Variants in GNA12 observed in about 807,000 individuals in gnomAD.
The protein encoded by GNA12 is G protein subunit alpha 12.
GNA12 carries 9 observed loss-of-function variants against 26.0 expected under a neutral mutation model. The ratio of observed to expected loss-of-function variants is 0.35; its 90% CI spans 0.21 to 0.60. The LOEUF (loss-of-function observed/expected upper bound fraction) is 0.60, where lower values mean the gene tolerates loss of function less well. Ranked by LOEUF, GNA12 falls within the 20% of genes least tolerant of loss-of-function variation. The pLI is 0.78. For synonymous variants in GNA12, 264 were observed against 219.6 expected, an observed-to-expected ratio of 1.20 and a Z score of -1.79; for missense variants, 405 against 525.8, an observed-to-expected ratio of 0.77 and a Z score of 2.25.
intron 2 of GNA12, among the ~76,000 whole-genome samples, chr7:2,791,197 T>G (rs2115451519): frequency 6.6e-6 from 1 of 152,312 alleles, no homozygotes; most frequent in East Asian, 1.9e-4. Flanking sequence ...GTCTTTCTGT[T>G]GAGCATCCTG....
At chr7:2,815,118 G>T in intron 1 of GNA12, 2 of 893,092 alleles carry the variant, frequency 2.2e-6, no homozygotes, top group Non-Finnish European at 3.3e-6. Context: ...CCCGCATGAG[G>T]CTTCCAAGCT....
chr7:2,816,379 T>C (rs576982855), intron 1 of GNA12, among the ~76,000 whole-genome samples: 5 of 152,216 alleles, frequency 3.3e-5, no homozygotes, highest in African/African-American at 1.2e-4. Context: ...TACAGGTGCC[T>C]GCCACTATGC....
chr7:2,836,824 T>C (rs1336294325), intron 1 of GNA12, among the ~76,000 whole-genome samples: 1 of 152,160 alleles, frequency 6.6e-6, no homozygotes, highest in Non-Finnish European at 1.5e-5. Flanking sequence ...CTTGGGAGGC[T>C]GAGGCAGGAG....
intron 1 of GNA12, among the ~76,000 whole-genome samples, chr7:2,798,246 C>G (rs764115614): frequency 1.3e-5 from 2 of 152,090 alleles, no homozygotes; most frequent in Non-Finnish European, 1.5e-5. Flanking sequence ...ACAACTAAAC[C>G]CATTTGCAGA....
At chr7:2,825,820 G>A (rs1481905173) in intron 1 of GNA12, among the ~76,000 whole-genome samples, 1 of 152,182 alleles carries the variant, frequency 6.6e-6, no homozygotes, top group Non-Finnish European at 1.5e-5. Flanking sequence ...AAGAGAACAA[G>A]TCTTTAGAGT....
chr7:2,756,309 T>C (rs17132643), intron 2 of GNA12, among the ~76,000 whole-genome samples: 4,447 of 152,288 alleles, frequency 0.029, 152 homozygotes, highest in African/African-American at 0.083. Flanking sequence ...TGATTCTAAC[T>C]ATGTCCTATA....
rs923690746 is a variant in GNA12 at position 2,813,578 on chromosome 7, G to GA, written c.310-18436dup. On this transcript the variant is annotated intron_variant, in intron 1 of 3. Transcript: ENST00000275364. Reference sequence around the variant, plus strand: ...CATTCCGGGAGAGCTCTCAGGTGGGGAAAAAAAAACAAACAAACATGCTGG... The same window carrying GA: ...CATTCCGGGAGAGCTCTCAGGTGGGGAAAAAAAAAACAAACAAACATGCTGG... Among the ~76,000 whole-genome samples, 33 of 150,462 alleles carry GA rather than the reference G, an allele frequency of 2.2e-4. 1 individual carries two copies. The Middle Eastern group carries it at 0.01, about 47-fold the overall frequency.
chr7:2,827,606 G>A (rs1368595773), intron 1 of GNA12, among the ~76,000 whole-genome samples: 3 of 152,154 alleles, frequency 2.0e-5, no homozygotes, highest in South Asian at 2.1e-4. Context: ...GGCTGGGCTG[G>A]TCCGTGAGCA....
chr7:2,762,547 TG>T, intron 2 of GNA12: 1 of 1,327,242 alleles, frequency 7.5e-7, no homozygotes, highest in Non-Finnish European at 1.0e-6. Context: ...CCTTCTATTC[TG>T]GAGTTAGATC....
intron 1 of GNA12, among the ~76,000 whole-genome samples, chr7:2,819,172 G>A (rs1272969895): frequency 6.6e-6 from 1 of 152,102 alleles, no homozygotes. Flanking sequence ...CTGCAAGCAA[G>A]ACTGGAGGGA....
intron 2 of GNA12, among the ~76,000 whole-genome samples, chr7:2,769,943 G>GT (rs1171783133): frequency 6.6e-6 from 1 of 151,940 alleles, no homozygotes; most frequent in Non-Finnish European, 1.5e-5. Flanking sequence ...AAGTGTTTTT[G>GT]TTTTTTTAAA....
At chr7:2,762,791 G>A (rs1170795637) in intron 2 of GNA12, 1 of 1,539,168 alleles carries the variant, frequency 6.5e-7, no homozygotes, top group Non-Finnish European at 8.8e-7. Context: ...ACAAAAGGGA[G>A]GAGGAGCACT....
At chr7:2,792,908 G>A (rs1463289144) in intron 2 of GNA12, among the ~76,000 whole-genome samples, 1 of 152,220 alleles carries the variant, frequency 6.6e-6, no homozygotes, top group Non-Finnish European at 1.5e-5. Flanking sequence ...TAAGATATGT[G>A]TTAACAACAC....
intron 2 of GNA12, among the ~76,000 whole-genome samples, chr7:2,740,075 A>G (rs1034061645): frequency 3.3e-5 from 5 of 152,122 alleles, no homozygotes; most frequent in African/African-American, 1.2e-4. Context: ...AAAGTTTCCA[A>G]TTTATCCACA....
intron 2 of GNA12, among the ~76,000 whole-genome samples, chr7:2,750,759 G>A (rs1790994393): frequency 6.6e-6 from 1 of 152,160 alleles, no homozygotes; most frequent in Non-Finnish European, 1.5e-5. Flanking sequence ...GGGGACTATC[G>A]GACAGGCATG....
intron 1 of GNA12, among the ~76,000 whole-genome samples, chr7:2,837,750 A>G (rs1481276183): frequency 6.6e-6 from 1 of 152,186 alleles, no homozygotes; most frequent in Non-Finnish European, 1.5e-5. Context: ...TGATCGTTAA[A>G]GAATGGCTAA....
At position 2,795,107 on chromosome 7, in the gene GNA12, C is replaced by T. The variant is rs1047457263; in HGVS notation, c.346G>A (p.Gly116Ser). The T allele has an allele frequency of 6.2e-7, 1 of 1,613,518 alleles. No individual in the cohort carries two copies. The highest frequency in any genetic ancestry group is 1.7e-5 in the Admixed American group (1 of 60,006). ...TTTTCAGAATACTGCCAAGGAATGC[C>T]AAGCTTATCTCGTGCATCAACAAGA... ...RVLVDARDKL[G>S]IPWQYSENEK... The change falls in exon 2 of 4, where the codon GGC becomes AGC. Residue 116 changes from glycine to serine, a missense_variant. Transcript: ENST00000275364.
chr7:2,787,559 A>G (rs77284237), intron 2 of GNA12, among the ~76,000 whole-genome samples: 2,961 of 152,214 alleles, frequency 0.019, 54 homozygotes, highest in Middle Eastern at 0.075. Context: ...GGCACCCACC[A>G]TCTTCTGAGC....
chr7:2,788,068 C>T lies in GNA12; in HGVS notation c.525+6860G>A, dbSNP rs1408698998. Among the ~76,000 whole-genome samples the T allele has an allele frequency of 1.1e-3, 174 of 152,128 alleles. 1 individual carries two copies. The highest frequency in any genetic ancestry group is 1.2e-4 in the Non-Finnish European group (8 of 67,986). On this transcript the variant is annotated intron_variant, in intron 2 of 3. Coordinates refer to ENST00000275364, the MANE Select transcript of GNA12 (RefSeq NM_007353.3). ...TGCTCGTGGGAGGCTGAGGGAGAATCGCTTGAACCCAGGAGGCAGAGGTTG... is the reference window on the plus strand; with the variant it reads ...TGCTCGTGGGAGGCTGAGGGAGAATTGCTTGAACCCAGGAGGCAGAGGTTG...
Sources: gnomAD v4.1 joint callset for allele counts (sites outside exome capture counted in the v4.1 genomes callset) on GRCh38, gnomAD v4.1.1 for gene constraint, MANE v1.5 for transcripts, NCBI Gene and HGNC (gene_info 2026-07-23, HGNC 2026-07-21) for gene names.